Variants in STK33 observed in about 807,000 individuals in gnomAD.
STK33 encodes serine/threonine kinase 33, also known as serine/threonine-protein kinase 33.
STK33 carries 52 observed loss-of-function variants against 58.0 expected under a neutral mutation model. The ratio of observed to expected loss-of-function variants is 0.90; its 90% CI spans 0.72 to 1.13. STK33 has a LOEUF of 1.13. Ranked by LOEUF, STK33 falls within the 50% of genes most tolerant of loss-of-function variation. The pLI, the probability that STK33 is intolerant of heterozygous loss-of-function variation, is 0.00. For missense variants in STK33, 630 were observed against 604.2 expected, an observed-to-expected ratio of 1.04 and a Z score of -0.45; for synonymous variants, 215 against 200.1, an observed-to-expected ratio of 1.07 and a Z score of -0.63.
At chr11:8,399,761 A>G (rs1339751690) in intron 15 of STK33, among the ~76,000 whole-genome samples, 1 of 152,240 alleles carries the variant, frequency 6.6e-6, no homozygotes, top group Non-Finnish European at 1.5e-5. Context: ...AATCAAATAG[A>G]TGCAACAAAA....
chr11:8,352,080 G>A, the STK33 span, among the ~76,000 whole-genome samples: 3 of 152,302 alleles, frequency 2.0e-5, no homozygotes, highest in African/African-American at 4.8e-5. Context: ...CTCTACTGCC[G>A]TCAAAGCATC....
intron 1 of STK33, among the ~76,000 whole-genome samples, chr11:8,589,441 A>G (rs1259845317): frequency 6.6e-6 from 1 of 152,194 alleles, no homozygotes; most frequent in African/African-American, 2.4e-5. Flanking sequence ...CCATTTATAT[A>G]AAATTTCCAT....
At chr11:8,477,512 G>A (rs539512186) in intron 2 of STK33, among the ~76,000 whole-genome samples, 22 of 152,170 alleles carry the variant, frequency 1.4e-4, no homozygotes, top group East Asian at 5.8e-4. Context: ...AGAAGTATTC[G>A]TAACGTACAG....
the STK33 span, among the ~76,000 whole-genome samples, chr11:8,376,094 A>G: frequency 1.3e-5 from 2 of 152,176 alleles, no homozygotes; most frequent in Admixed American, 6.5e-5. Flanking sequence ...GGAATATTCC[A>G]AAGAGGCTCC....
chr11:8,570,374 CAT>C (rs1218397945), intron 1 of STK33, among the ~76,000 whole-genome samples: 1 of 152,126 alleles, frequency 6.6e-6, no homozygotes, highest in East Asian at 1.9e-4. Flanking sequence ...ATAAGGTAAA[CAT>C]GTAATCTATC....
intron 1 of STK33, among the ~76,000 whole-genome samples, chr11:8,503,530 C>A (rs537891025): frequency 6.6e-6 from 1 of 152,196 alleles, no homozygotes; most frequent in African/African-American, 2.4e-5. Context: ...ATGCTCAAAC[C>A]TGAGTGACAA....
At chr11:8,505,932 T>A (rs974556080) in intron 1 of STK33, among the ~76,000 whole-genome samples, 13 of 152,164 alleles carry the variant, frequency 8.5e-5, no homozygotes, top group African/African-American at 3.1e-4. Flanking sequence ...TACTTACACA[T>A]AAAATGAAAA....
chr11:8,454,668 TAA>T (rs1450660062), intron 10 of STK33, 74 bp downstream of exon 10: 24 of 1,457,020 alleles, frequency 1.6e-5, no homozygotes, highest in Non-Finnish European at 2.1e-5. Flanking sequence ...AACATGTGTC[TAA>T]AAAGAGGATG....
chr11:8,496,416 C>T lies in STK33; in HGVS notation c.-465-15802G>A, dbSNP rs553091964. ...TTAGACTTGAATTTAGTTTATTCTCCGTCTGTTTTGTATAATAGCAGATAA... is the reference window on the plus strand; with the variant it reads ...TTAGACTTGAATTTAGTTTATTCTCTGTCTGTTTTGTATAATAGCAGATAA... On this transcript the variant is annotated intron_variant, in intron 1 of 15. Coordinates refer to ENST00000687296, the MANE Select transcript of STK33 (RefSeq NM_001352389.2). 3.9e-5 allele frequency among the ~76,000 whole-genome samples: 6 copies of T among 152,068 alleles called. No homozygotes were observed. In the South Asian group the frequency reaches 8.3e-4, roughly 21 times the overall value.
At chr11:8,579,052 T>C (rs1044831366) in intron 1 of STK33, among the ~76,000 whole-genome samples, 2 of 152,118 alleles carry the variant, frequency 1.3e-5, no homozygotes, top group African/African-American at 2.4e-5. Context: ...CACCAAGTTA[T>C]AGTCATCACC....
chr11:8,477,724 TTTAA>T (rs1478410418), intron 2 of STK33, among the ~76,000 whole-genome samples: 1 of 152,212 alleles, frequency 6.6e-6, no homozygotes, highest in Non-Finnish European at 1.5e-5. Flanking sequence ...AAGCATTTCC[TTTAA>T]TTTTCATCAA....
the STK33 span, among the ~76,000 whole-genome samples, chr11:8,374,478 T>C: frequency 1.3e-5 from 2 of 152,210 alleles, no homozygotes; most frequent in Non-Finnish European, 2.9e-5. Flanking sequence ...GTGAGGGCTC[T>C]CTTCCTGCCT....
intron 1 of STK33, among the ~76,000 whole-genome samples, chr11:8,534,566 C>CTGTGTG (rs1248207752): frequency 1.2e-3 from 132 of 106,470 alleles, no homozygotes; most frequent in South Asian, 3.6e-3. Flanking sequence ...CTCTCTCTCT[C>CTGTGTG]TCTGTGTGTG....
chr11:8,583,389 T>A (rs2030797915), intron 1 of STK33, among the ~76,000 whole-genome samples: 1 of 152,184 alleles, frequency 6.6e-6, no homozygotes, highest in South Asian at 2.1e-4. Context: ...AAATTATTGA[T>A]AACATTACTC....
intron 6 of STK33, among the ~76,000 whole-genome samples, chr11:8,472,616 T>C (rs1948884207): frequency 6.6e-6 from 1 of 152,238 alleles, no homozygotes; most frequent in Non-Finnish European, 1.5e-5. Flanking sequence ...CACAATTTTC[T>C]TCTTGTTGTG....
At chr11:8,443,414 A>G (rs1266708905) in intron 11 of STK33, among the ~76,000 whole-genome samples, 1 of 152,238 alleles carries the variant, frequency 6.6e-6, no homozygotes, top group African/African-American at 2.4e-5. Context: ...ACCTACCACA[A>G]TAAAGAAAAC....
At chr11:8,575,584 G>A (rs1303974153) in intron 1 of STK33, among the ~76,000 whole-genome samples, 1 of 152,170 alleles carries the variant, frequency 6.6e-6, no homozygotes, top group Non-Finnish European at 1.5e-5. Context: ...GAGGTTATCA[G>A]GGGCTGGGGG....
intron 15 of STK33, among the ~76,000 whole-genome samples, 191 bp from the exon 16 acceptor site, chr11:8,392,901 T>C (rs1848769128): frequency 2.0e-5 from 3 of 152,236 alleles, no homozygotes; most frequent in Non-Finnish European, 4.4e-5. Flanking sequence ...GAAAACTGAA[T>C]TGTTTCATGT....
At chr11:8,593,966 C>G (rs1357214032) in intron 1 of STK33, 117 bp downstream of exon 1, 10 of 152,238 alleles carry the variant, frequency 6.6e-5, no homozygotes, top group Admixed American at 6.5e-4. Context: ...CAGCGAGATA[C>G]CCAGAGGCCC....
Sources: gnomAD v4.1 joint callset for allele counts (sites outside exome capture counted in the v4.1 genomes callset) on GRCh38, gnomAD v4.1.1 for gene constraint, MANE v1.5 for transcripts, NCBI Gene and HGNC (gene_info 2026-07-23, HGNC 2026-07-21) for gene names.